Variants in LRMDA observed in about 807,000 individuals in gnomAD.
LRMDA encodes the protein leucine-rich melanocyte differentiation-associated protein.
LRMDA carries 18 observed loss-of-function variants against 29.8 expected under a neutral mutation model. That is an observed-to-expected ratio of 0.60 (90% CI 0.42 to 0.90). The LOEUF is 0.90. Among genes scored for constraint, LRMDA ranks in the 40% least tolerant of loss-of-function variants. The pLI is 0.00. For synonymous variants in LRMDA, 125 were observed against 109.4 expected, an observed-to-expected ratio of 1.14 and a Z score of -0.89; for missense variants, 273 against 273.9, an observed-to-expected ratio of 1.00 and a Z score of 0.02.
intron 2 of LRMDA, among the ~76,000 whole-genome samples, chr10:75,658,944 G>A (rs1280948252): frequency 6.6e-6 from 1 of 152,168 alleles, no homozygotes; most frequent in Non-Finnish European, 1.5e-5. Flanking sequence ...GAGTGCTGTG[G>A]GCTCAGGTTT....
chr10:76,231,400 G>A (rs1468307269), intron 5 of LRMDA, among the ~76,000 whole-genome samples: 1 of 152,236 alleles, frequency 6.6e-6, no homozygotes, highest in Admixed American at 6.5e-5. Flanking sequence ...AGATTGCTTT[G>A]TTGATAGTAC....
At chr10:75,972,653 T>G (rs1260762136) in intron 2 of LRMDA, among the ~76,000 whole-genome samples, 2 of 152,166 alleles carry the variant, frequency 1.3e-5, no homozygotes, top group Admixed American at 1.3e-4. Flanking sequence ...CTCTTTCTGT[T>G]GTCAGTCAGC....
At chr10:75,869,413 A>G (rs1845072449) in intron 2 of LRMDA, among the ~76,000 whole-genome samples, 1 of 152,146 alleles carries the variant, frequency 6.6e-6, no homozygotes, top group African/African-American at 2.4e-5. Flanking sequence ...ACATTTCTAT[A>G]TGGATATATC....
Position 76,274,738 on chromosome 10 carries a change from G to A in LRMDA, c.517-49663G>A, listed in dbSNP as rs77168813. On this transcript the variant is annotated intron_variant, in intron 5 of 6. Transcript: ENST00000611255. The stretch of plus-strand genomic sequence containing the variant: ...ATCACTGTAATGGTAGAAAAAGAGA[G>A]TATATGTGTTTTGATATTGGAGCGG... Among the ~76,000 whole-genome samples, 515 of 152,248 alleles carry A rather than the reference G, an allele frequency of 3.4e-3. 26 individuals carry two copies. The East Asian group carries it at 0.077, about 23-fold the overall frequency.
In LRMDA at chr10:75,444,343, G is replaced by A. The variant is rs555457260; in HGVS notation, c.131+5849G>A. On this transcript the variant is annotated intron_variant, in intron 2 of 6. Coordinates refer to ENST00000611255, the MANE Select transcript of LRMDA (RefSeq NM_001305581.2). ...CTGGAGCCAGTGTGTACCCTGTCAC[G>A]TTAGAAATTGGAAATGGAAGCAAGA... Among the ~76,000 whole-genome samples the A allele has an allele frequency of 1.3e-3, 191 of 152,284 alleles. 1 individual carries two copies. The highest frequency in any genetic ancestry group is 4.3e-3 in the African/African-American group (179 of 41,552).
chr10:75,996,404 T>C (rs564764646), intron 2 of LRMDA, among the ~76,000 whole-genome samples: 65 of 152,336 alleles, frequency 4.3e-4, no homozygotes, highest in African/African-American at 1.5e-3. Flanking sequence ...TTAAAGGTTT[T>C]ATGACCCCTC....
intron 4 of LRMDA, among the ~76,000 whole-genome samples, chr10:76,051,120 G>C (rs1221475144): frequency 2.0e-5 from 3 of 152,250 alleles, no homozygotes; most frequent in Non-Finnish European, 4.4e-5. Flanking sequence ...AGGGAAGGAG[G>C]GAGGGACCCT....
At chr10:76,270,974 T>C (rs895351969) in intron 5 of LRMDA, among the ~76,000 whole-genome samples, 3 of 152,226 alleles carry the variant, frequency 2.0e-5, no homozygotes, top group African/African-American at 7.2e-5. Context: ...TTTTATTGAT[T>C]TGATAAGTGC....
At chr10:75,986,726 C>T (rs1307672857) in intron 2 of LRMDA, among the ~76,000 whole-genome samples, 1 of 152,242 alleles carries the variant, frequency 6.6e-6, no homozygotes, top group Non-Finnish European at 1.5e-5. Flanking sequence ...TTTCCCCAGG[C>T]CTAGGCCACG....
At chr10:75,597,276 A>C (rs1242260998) in intron 2 of LRMDA, among the ~76,000 whole-genome samples, 1 of 152,206 alleles carries the variant, frequency 6.6e-6, no homozygotes, top group African/African-American at 2.4e-5. Context: ...TAACGTGATC[A>C]TTTTTAGTAA....
chr10:75,652,222 C>T lies in LRMDA; in HGVS notation c.131+213728C>T, dbSNP rs73280813. Among the ~76,000 whole-genome samples the T allele has an allele frequency of 8.4e-3, 1,276 of 152,294 alleles. 21 individuals carry two copies. Among genetic ancestry groups the T allele is most frequent in the African/African-American group, 0.029 (1,189 of 41,566 alleles). ...CTGACAAAGCAAGTCCGACATCCCT[C>T]GATAAGTAAAATCCAAACCTCCTGA... On this transcript the variant is annotated intron_variant, in intron 2 of 6. Coordinates refer to ENST00000611255, the MANE Select transcript of LRMDA (RefSeq NM_001305581.2).
chr10:76,397,623 T>C (rs1398820990), intron 6 of LRMDA, among the ~76,000 whole-genome samples: 3 of 152,190 alleles, frequency 2.0e-5, no homozygotes, highest in African/African-American at 4.8e-5. Flanking sequence ...GGCTGTGCCT[T>C]CGCTTCCTGG....
At chr10:75,731,096 G>C (rs1034497969) in intron 2 of LRMDA, among the ~76,000 whole-genome samples, 1 of 152,146 alleles carries the variant, frequency 6.6e-6, no homozygotes, top group Non-Finnish European at 1.5e-5. Context: ...GAGGATGCTT[G>C]GGTTGATACT....
chr10:75,561,958 T>A (rs867513782), intron 2 of LRMDA, among the ~76,000 whole-genome samples: 1 of 152,068 alleles, frequency 6.6e-6, no homozygotes, highest in Non-Finnish European at 1.5e-5. Flanking sequence ...CAACTATGTG[T>A]TCAATTTTGG....
At chr10:76,185,470 G>A (rs916222108) in intron 5 of LRMDA, among the ~76,000 whole-genome samples, 1 of 152,126 alleles carries the variant, frequency 6.6e-6, no homozygotes, top group Non-Finnish European at 1.5e-5. Flanking sequence ...ACAAAGTGGT[G>A]GTTTGAAAAT....
At chr10:76,057,291 T>C (rs1848631975) in intron 4 of LRMDA, among the ~76,000 whole-genome samples, 1 of 152,226 alleles carries the variant, frequency 6.6e-6, no homozygotes, top group Non-Finnish European at 1.5e-5. Context: ...TCTGTTACAC[T>C]GAGAACACCT....
intron 2 of LRMDA, among the ~76,000 whole-genome samples, chr10:75,737,083 A>G (rs1564553769): frequency 6.6e-6 from 1 of 151,174 alleles, no homozygotes; most frequent in Non-Finnish European, 1.5e-5. Context: ...ACACACGCAC[A>G]TGCATGCACA....
chr10:75,614,234 G>A (rs993589616), intron 2 of LRMDA, among the ~76,000 whole-genome samples: 2 of 151,904 alleles, frequency 1.3e-5, no homozygotes, highest in African/African-American at 4.8e-5. Context: ...TTTCTTTTGG[G>A]TGGAGGTCTG....
At chr10:76,518,191 C>A (rs1194570116) in intron 6 of LRMDA, among the ~76,000 whole-genome samples, 1 of 151,846 alleles carries the variant, frequency 6.6e-6, no homozygotes, top group Non-Finnish European at 1.5e-5. Context: ...ATATACCAGG[C>A]AATGGCAACC....
Sources: gnomAD v4.1 joint callset for allele counts (sites outside exome capture counted in the v4.1 genomes callset) on GRCh38, gnomAD v4.1.1 for gene constraint, MANE v1.5 for transcripts, NCBI Gene and HGNC (gene_info 2026-07-23, HGNC 2026-07-21) for gene names.